CCSER1: variants seen among roughly 807,000 people sequenced by gnomAD.
CCSER1 encodes the protein coiled-coil serine rich protein 1.
CCSER1 carries 41 observed loss-of-function variants against 82.0 expected under a neutral mutation model. That is an observed-to-expected ratio of 0.50 (90% CI 0.39 to 0.65). The LOEUF is 0.65. CCSER1 is among the 30% of genes least tolerant of loss of function. The pLI, the probability that CCSER1 is intolerant of heterozygous loss-of-function variation, is 0.00. For synonymous variants in CCSER1, 414 were observed against 383.9 expected, an observed-to-expected ratio of 1.08 and a Z score of -0.92; for missense variants, 1,119 against 1,064.2, an observed-to-expected ratio of 1.05 and a Z score of -0.72.
chr4:90,515,401 A>C (rs956049949), intron 5 of CCSER1, among the ~76,000 whole-genome samples: 1 of 152,114 alleles, frequency 6.6e-6, no homozygotes, highest in African/African-American at 2.4e-5. Context: ...TTCTTAGTAC[A>C]TTGGGCAACT....
chr4:90,259,806 A>G (rs1240176708), intron 1 of CCSER1, among the ~76,000 whole-genome samples: 1 of 151,906 alleles, frequency 6.6e-6, no homozygotes, highest in Non-Finnish European at 1.5e-5. Flanking sequence ...CTGTGACTAA[A>G]CTCATTTTGT....
chr4:90,626,260 A>G (rs914209231), intron 5 of CCSER1, among the ~76,000 whole-genome samples: 1 of 152,128 alleles, frequency 6.6e-6, no homozygotes, highest in Non-Finnish European at 1.5e-5. Flanking sequence ...TTACTGAGTC[A>G]GCCTAATATA....
At chr4:91,466,047 C>CA (rs1296498651) in intron 10 of CCSER1, among the ~76,000 whole-genome samples, 3 of 151,984 alleles carry the variant, frequency 2.0e-5, no homozygotes, top group Admixed American at 6.6e-5. Context: ...AGAGCCACAG[C>CA]AAAAAAAGAG....
chr4:90,369,139 T>C (rs1442449772), intron 3 of CCSER1, among the ~76,000 whole-genome samples: 8 of 150,366 alleles, frequency 5.3e-5, no homozygotes, highest in African/African-American at 1.7e-4. Flanking sequence ...GGCTAATTAA[T>C]TGGAAAACAG....
intron 1 of CCSER1, among the ~76,000 whole-genome samples, chr4:90,211,549 GA>G (rs1039131284): frequency 2.5e-4 from 38 of 152,290 alleles, no homozygotes; most frequent in Admixed American, 7.2e-4. Flanking sequence ...CCAGACTCAA[GA>G]AGAGAACAAT....
At chr4:90,404,122 A>T (rs996303059) in intron 4 of CCSER1, 5 of 152,224 alleles carry the variant, frequency 3.3e-5, no homozygotes, top group Non-Finnish European at 5.9e-5. Context: ...GTTGTGGGAC[A>T]CGATGGGAGT....
chr4:91,290,445 G>C (rs920306682), intron 10 of CCSER1, among the ~76,000 whole-genome samples: 1 of 151,916 alleles, frequency 6.6e-6, no homozygotes, highest in Admixed American at 6.6e-5. Context: ...CTGTCTTGCA[G>C]ACATTTCTTT....
chr4:91,138,586 G>A (rs1310102798), intron 10 of CCSER1, among the ~76,000 whole-genome samples: 2 of 76,404 alleles, frequency 2.6e-5, no homozygotes, highest in African/African-American at 1.0e-4. Context: ...ATTGACAAAT[G>A]GGATCTAATT....
intron 10 of CCSER1, among the ~76,000 whole-genome samples, chr4:91,376,960 T>C (rs1272862685): frequency 7.0e-6 from 1 of 142,530 alleles, no homozygotes; most frequent in Non-Finnish European, 1.5e-5. Context: ...CCAACTGTCC[T>C]CATTGTTCAA....
chr4:90,572,508 GT>G (rs1425383931), intron 5 of CCSER1, among the ~76,000 whole-genome samples: 1 of 151,794 alleles, frequency 6.6e-6, no homozygotes, highest in Non-Finnish European at 1.5e-5. Flanking sequence ...AATCTCATAA[GT>G]TTTTTCATTT....
intron 5 of CCSER1, among the ~76,000 whole-genome samples, chr4:90,580,403 A>T (rs1781297498): frequency 6.6e-6 from 1 of 152,092 alleles, no homozygotes; most frequent in East Asian, 1.9e-4. Flanking sequence ...TTTTATGGGG[A>T]GTCATGTACT....
At chr4:91,034,299 C>T (rs59398872) in intron 9 of CCSER1, among the ~76,000 whole-genome samples, 1,886 of 152,256 alleles carry the variant, frequency 0.012, 39 homozygotes, top group African/African-American at 0.042. Flanking sequence ...CTAAGTAAAT[C>T]ACTTTTTACC....
chr4:91,046,689 T>G (rs11097295), intron 9 of CCSER1, among the ~76,000 whole-genome samples: 9,436 of 151,688 alleles, frequency 0.062, 345 homozygotes, highest in African/African-American at 0.094. Flanking sequence ...TAATATGTTT[T>G]TTGTTGTTGT....
At chr4:90,785,575 A>C (rs1754395402) in intron 7 of CCSER1, among the ~76,000 whole-genome samples, 2 of 152,222 alleles carry the variant, frequency 1.3e-5, no homozygotes, top group Admixed American at 1.3e-4. Flanking sequence ...ATTCTGAAAA[A>C]TACAGTTTCT....
At chr4:90,688,724 A>G (rs1182609353) in intron 6 of CCSER1, among the ~76,000 whole-genome samples, 1 of 152,154 alleles carries the variant, frequency 6.6e-6, no homozygotes, top group Non-Finnish European at 1.5e-5. Flanking sequence ...AAAAAATATA[A>G]TAAACACACT....
At chr4:90,424,352 AGCCTCCAT>A in intron 4 of CCSER1, among the ~76,000 whole-genome samples, 1 of 152,320 alleles carries the variant, frequency 6.6e-6, no homozygotes, top group Non-Finnish European at 1.5e-5. Context: ...AATTGTGAAC[AGCCTCCAT>A]TTCTCATTAT....
intron 5 of CCSER1, among the ~76,000 whole-genome samples, chr4:90,551,706 C>CTCTCTCTCTATATA: frequency 1.5e-3 from 157 of 104,224 alleles, no homozygotes; most frequent in Middle Eastern, 0.013. Flanking sequence ...CTCTCTCTCT[C>CTCTCTCTCTATATA]TATATATATA....
intron 9 of CCSER1, among the ~76,000 whole-genome samples, chr4:90,969,909 T>C (rs1734926611): frequency 6.6e-6 from 1 of 151,194 alleles, no homozygotes. Context: ...GAAGAACCTC[T>C]AGCAGATACA....
At chr4:90,845,818 A>C (rs1763171954) in intron 8 of CCSER1, among the ~76,000 whole-genome samples, 3 of 152,048 alleles carry the variant, frequency 2.0e-5, no homozygotes, top group African/African-American at 7.2e-5. Context: ...AAAAAAAAAA[A>C]AACCAGATTT....
Sources: gnomAD v4.1 joint callset for allele counts (sites outside exome capture counted in the v4.1 genomes callset) on GRCh38, gnomAD v4.1.1 for gene constraint, MANE v1.5 for transcripts, NCBI Gene and HGNC (gene_info 2026-07-23, HGNC 2026-07-21) for gene names.